The following NDST4 variants were observed in gnomAD, a reference collection of about 807,000 sequenced individuals.
The protein encoded by NDST4 is N-heparan sulfate sulfotransferase 4.
In NDST4, 63 loss-of-function variants were observed where a neutral mutation model predicts 100.8. That is an observed-to-expected ratio of 0.62 (90% CI 0.51 to 0.77). The LOEUF is 0.77. Ranked by LOEUF, NDST4 falls within the 30% of genes least tolerant of loss-of-function variation. NDST4 has a pLI of 0.00. For synonymous variants in NDST4, 377 were observed against 361.8 expected, an observed-to-expected ratio of 1.04 and a Z score of -0.48; for missense variants, 943 against 1,018.4, an observed-to-expected ratio of 0.93 and a Z score of 1.01.
chr4:114,904,923 A>C (rs950169145), intron 6 of NDST4, among the ~76,000 whole-genome samples: 5 of 151,954 alleles, frequency 3.3e-5, no homozygotes, highest in African/African-American at 1.2e-4. Context: ...AAAAGACCTC[A>C]AAGGGAATAT....
intron 1 of NDST4, among the ~76,000 whole-genome samples, chr4:115,093,705 T>C (rs574727378): frequency 1.3e-4 from 20 of 151,888 alleles, no homozygotes; most frequent in African/African-American, 2.4e-4. Flanking sequence ...CAGCAACTAA[T>C]AACAAAATAA....
chr4:115,010,908 C>A (rs1727530183), intron 2 of NDST4, among the ~76,000 whole-genome samples: 2 of 151,946 alleles, frequency 1.3e-5, no homozygotes, highest in Admixed American at 1.3e-4. Flanking sequence ...AATTTTGCTA[C>A]AAATTTATAA....
At position 114,871,578 on chromosome 4, in the gene NDST4, A is replaced by G. The variant is rs186515104; in HGVS notation, c.1537-628T>C. Among the ~76,000 whole-genome samples, 94 of 152,196 alleles carry G rather than the reference A, an allele frequency of 6.2e-4. 1 individual carries two copies. In the East Asian group the frequency reaches 0.014, roughly 23 times the overall value. ...AAAAAGTGAAATTAGATTAATTGGT[A>G]TGGAAAGAGCAAGCAAAAATTCAAA... On this transcript the variant is annotated intron_variant, in intron 6 of 13. Transcript: ENST00000264363.
chr4:115,022,955 G>A (rs1029648437), intron 2 of NDST4, among the ~76,000 whole-genome samples: 6 of 152,242 alleles, frequency 3.9e-5, no homozygotes, highest in Non-Finnish European at 5.9e-5. Flanking sequence ...CCCCAGCTTC[G>A]GGTATGTTTT....
At chr4:114,866,536 T>A (rs1724029375) in intron 7 of NDST4, among the ~76,000 whole-genome samples, 1 of 152,342 alleles carries the variant, frequency 6.6e-6, no homozygotes, top group Admixed American at 6.5e-5. Flanking sequence ...TTGTTCTTTG[T>A]ACACACAGCC....
intron 2 of NDST4, among the ~76,000 whole-genome samples, chr4:115,016,603 A>C (rs978232027): frequency 1.3e-5 from 2 of 152,062 alleles, no homozygotes; most frequent in Non-Finnish European, 2.9e-5. Flanking sequence ...GAAAGAAGGG[A>C]GTTACTATGT....
At chr4:114,931,514 C>A (rs1347198828) in intron 6 of NDST4, among the ~76,000 whole-genome samples, 8 of 150,748 alleles carry the variant, frequency 5.3e-5, no homozygotes, top group African/African-American at 1.9e-4. Flanking sequence ...AGGAATGCAG[C>A]AGAAATAAAT....
intron 11 of NDST4, 129 bp from the exon 12 acceptor site, chr4:114,833,844 A>C (rs1228716497): frequency 1.7e-6 from 1 of 576,036 alleles, no homozygotes; most frequent in Non-Finnish European, 3.1e-6. Flanking sequence ...TGCCCTACTT[A>C]GAATACATCC....
intron 4 of NDST4, among the ~76,000 whole-genome samples, chr4:114,954,899 C>T (rs2126233609): frequency 6.6e-6 from 1 of 152,200 alleles, no homozygotes; most frequent in East Asian, 1.9e-4. Flanking sequence ...TGTAGCCCCT[C>T]CCACATCCTT....
intron 6 of NDST4, among the ~76,000 whole-genome samples, chr4:114,890,920 C>G (rs765114595): frequency 6.6e-6 from 1 of 152,052 alleles, no homozygotes; most frequent in Non-Finnish European, 1.5e-5. Flanking sequence ...TCTGCTACCT[C>G]CCCCTGACTG....
At chr4:114,986,605 T>A (rs1726906519) in intron 2 of NDST4, among the ~76,000 whole-genome samples, 2 of 151,840 alleles carry the variant, frequency 1.3e-5, no homozygotes, top group South Asian at 4.2e-4. Context: ...TCTCAAACTA[T>A]GTCTGCGTCC....
chr4:114,966,348 C>T (rs1726382504), intron 4 of NDST4, among the ~76,000 whole-genome samples: 1 of 151,978 alleles, frequency 6.6e-6, no homozygotes, highest in Admixed American at 6.5e-5. Context: ...TTAATAAAGT[C>T]TCTTCCAACA....
intron 6 of NDST4, among the ~76,000 whole-genome samples, chr4:114,883,716 A>G (rs565484546): frequency 2.4e-4 from 37 of 152,234 alleles, no homozygotes; most frequent in Non-Finnish European, 3.8e-4. Flanking sequence ...AGGACCAGGA[A>G]GACAATTTTG....
chr4:114,998,385 A>G, intron 2 of NDST4, among the ~76,000 whole-genome samples: 1 of 152,082 alleles, frequency 6.6e-6, no homozygotes, highest in Admixed American at 6.6e-5. Context: ...TTAGAATCCA[A>G]GTTGAAAATG....
chr4:115,047,069 A>G (rs1728477572), intron 2 of NDST4, among the ~76,000 whole-genome samples: 2 of 152,140 alleles, frequency 1.3e-5, no homozygotes, highest in Admixed American at 6.5e-5. Context: ...GCAAGATACA[A>G]TGAACAAAAT....
chr4:114,913,741 A>T (rs1019722311), intron 6 of NDST4, among the ~76,000 whole-genome samples: 1 of 121,316 alleles, frequency 8.2e-6, no homozygotes, highest in Non-Finnish European at 1.7e-5. Context: ...GAAAAAAAAA[A>T]AAAAAAAAAC....
chr4:114,881,953 T>C (rs1016285806), intron 6 of NDST4, among the ~76,000 whole-genome samples: 2 of 146,472 alleles, frequency 1.4e-5, no homozygotes, highest in African/African-American at 5.5e-5. Context: ...TATTTAGATA[T>C]ATTTTTTTTA....
intron 2 of NDST4, among the ~76,000 whole-genome samples, chr4:114,983,224 A>C (rs1726819494): frequency 6.6e-6 from 1 of 152,190 alleles, no homozygotes; most frequent in South Asian, 2.1e-4. Context: ...GAGAAGAGGG[A>C]GACCATCCGC....
intron 4 of NDST4, among the ~76,000 whole-genome samples, chr4:114,970,015 A>G (rs562516076): frequency 2.6e-4 from 39 of 152,240 alleles, no homozygotes; most frequent in African/African-American, 9.1e-4. Flanking sequence ...TCTGATTGGA[A>G]TGAGATGGTA....
Sources: allele counts gnomAD v4.1 joint callset (sites outside exome capture counted in the v4.1 genomes callset), GRCh38; gene constraint gnomAD v4.1.1; transcripts MANE v1.5; gene names NCBI Gene and HGNC (gene_info 2026-07-23, HGNC 2026-07-21).